Variants in CTNNA3 observed in about 807,000 individuals in gnomAD.
The protein encoded by CTNNA3 is catenin alpha 3.
In CTNNA3, 76 loss-of-function variants were observed where a neutral mutation model predicts 95.7. The observed-to-expected ratio is 0.79, with a 90% confidence interval of 0.66 to 0.96. The LOEUF (loss-of-function observed/expected upper bound fraction) is 0.96. CTNNA3 is among the 40% of genes least tolerant of loss of function. The pLI is 0.00. For missense variants in CTNNA3, 1,191 were observed against 1,089.8 expected (o/e 1.09, Z -1.31); for synonymous variants, 431 against 374.4 (o/e 1.15, Z -1.74).
intron 15 of CTNNA3, among the ~76,000 whole-genome samples, chr10:66,009,204 A>G (rs558097434): frequency 6.6e-6 from 1 of 152,262 alleles, no homozygotes; most frequent in South Asian, 2.1e-4. Context: ...TTATTTTGCA[A>G]TGTTGCTGAC....
intron 7 of CTNNA3, among the ~76,000 whole-genome samples, chr10:67,108,931 T>A (rs1257177485): frequency 6.6e-6 from 1 of 152,200 alleles, no homozygotes; most frequent in Admixed American, 6.5e-5. Context: ...ATTTAGCTAT[T>A]CCATGATAAA....
chr10:66,114,471 C>T (rs137918513), intron 13 of CTNNA3, among the ~76,000 whole-genome samples: 7 of 146,742 alleles, frequency 4.8e-5, no homozygotes, highest in Non-Finnish European at 1.0e-4. Context: ...TATATATGTG[C>T]GTATATGTAT....
intron 13 of CTNNA3, among the ~76,000 whole-genome samples, chr10:66,193,002 G>C (rs1310243115): frequency 6.6e-6 from 1 of 151,932 alleles, no homozygotes; most frequent in East Asian, 1.9e-4. Flanking sequence ...TAATAATTTT[G>C]GAAAATAGAG....
intron 9 of CTNNA3, among the ~76,000 whole-genome samples, chr10:66,705,756 T>G (rs1165866506): frequency 6.6e-6 from 1 of 152,076 alleles, no homozygotes; most frequent in Non-Finnish European, 1.5e-5. Flanking sequence ...TTGATCCTTT[T>G]AAGAATACTG....
At chr10:66,576,472 GC>G (rs1044171803) in intron 10 of CTNNA3, among the ~76,000 whole-genome samples, 2 of 151,604 alleles carry the variant, frequency 1.3e-5, no homozygotes, top group East Asian at 1.9e-4. Flanking sequence ...TCCAATCCAT[GC>G]CCCCCCACCA....
chr10:66,938,620 G>C (rs976975072), intron 7 of CTNNA3, among the ~76,000 whole-genome samples: 1 of 152,124 alleles, frequency 6.6e-6, no homozygotes, highest in Admixed American at 6.6e-5. Flanking sequence ...GATAATCCAC[G>C]TGTGAGTAGA....
chr10:66,170,174 T>C (rs1346428236), intron 13 of CTNNA3, among the ~76,000 whole-genome samples: 2 of 151,246 alleles, frequency 1.3e-5, no homozygotes, highest in Non-Finnish European at 2.9e-5. Context: ...AAGTCCTTGA[T>C]CCATCCTGAG....
intron 11 of CTNNA3, among the ~76,000 whole-genome samples, chr10:66,472,276 G>A (rs78030380): frequency 2.2e-4 from 34 of 151,760 alleles, no homozygotes; most frequent in Admixed American, 1.9e-3. Context: ...GAGCCATTTC[G>A]TCCAGGTTTG....
chr10:66,003,206 A>G (rs2078804221), intron 15 of CTNNA3, among the ~76,000 whole-genome samples: 1 of 152,220 alleles, frequency 6.6e-6, no homozygotes, highest in Non-Finnish European at 1.5e-5. Flanking sequence ...TTTCATATTC[A>G]ATGTTGCATT....
intron 1 of CTNNA3, among the ~76,000 whole-genome samples, chr10:67,682,423 T>C (rs1268931828): frequency 6.6e-6 from 1 of 151,888 alleles, no homozygotes; most frequent in African/African-American, 2.4e-5. Flanking sequence ...TACTTAGAAA[T>C]TGTTCAACTA....
chr10:66,628,888 G>T (rs545103746), intron 9 of CTNNA3, among the ~76,000 whole-genome samples: 3 of 151,950 alleles, frequency 2.0e-5, no homozygotes, highest in East Asian at 3.9e-4. Flanking sequence ...GTTAAGAGGG[G>T]GTCTACAGTA....
At position 66,157,483 on chromosome 10, in the gene CTNNA3, ATAGATATG is replaced by A. The variant is rs1554871839; in HGVS notation, c.1885-54242_1885-54235del. ...AGATAGATAGACAGATGATAGATAG[ATAGATATG>A]TAGATAGATAGATAGATAGATAGAT... On this transcript the variant is annotated intron_variant, in intron 13 of 17. Coordinates refer to ENST00000433211, the MANE Select transcript of CTNNA3 (RefSeq NM_013266.4). 3.8e-3 allele frequency among the ~76,000 whole-genome samples: 456 copies of A among 120,058 alleles called. 4 individuals carry two copies. Among genetic ancestry groups the A allele is most frequent in the African/African-American group, 0.014 (439 of 31,182 alleles). 78.8% of individuals were successfully genotyped at this position (120,058 alleles called of 152,430 possible).
At chr10:67,227,302 G>T (rs977567983) in intron 5 of CTNNA3, among the ~76,000 whole-genome samples, 1 of 151,976 alleles carries the variant, frequency 6.6e-6, no homozygotes, top group African/African-American at 2.4e-5. Context: ...TGTTGGTCAG[G>T]TTGGTCTTGA....
At chr10:66,175,509 T>G (rs1329079471) in intron 13 of CTNNA3, among the ~76,000 whole-genome samples, 1 of 152,146 alleles carries the variant, frequency 6.6e-6, no homozygotes, top group Non-Finnish European at 1.5e-5. Flanking sequence ...AACAGTGGTG[T>G]GGGTACCTCC....
At chr10:66,440,160 G>T (rs2093365448) in intron 11 of CTNNA3, among the ~76,000 whole-genome samples, 1 of 152,046 alleles carries the variant, frequency 6.6e-6, no homozygotes, top group Non-Finnish European at 1.5e-5. Flanking sequence ...CTCCACTTTA[G>T]ATATTTGAAG....
chr10:67,033,233 G>T (rs1223081469), intron 7 of CTNNA3, among the ~76,000 whole-genome samples: 1 of 152,076 alleles, frequency 6.6e-6, no homozygotes, highest in Admixed American at 6.5e-5. Context: ...TTTGTATAAG[G>T]CTTTCTCTCT....
At chr10:67,316,268 G>C (rs934853300) in intron 5 of CTNNA3, among the ~76,000 whole-genome samples, 2 of 152,122 alleles carry the variant, frequency 1.3e-5, no homozygotes, top group African/African-American at 2.4e-5. Context: ...GAAATGTCTG[G>C]AAAGATGTTC....
intron 15 of CTNNA3, among the ~76,000 whole-genome samples, chr10:66,006,009 C>CTTTTTTT (rs11415177): frequency 7.6e-4 from 88 of 115,978 alleles, no homozygotes; most frequent in African/African-American, 2.8e-3. Flanking sequence ...CAAGGAAAGC[C>CTTTTTTT]TTTTTTTTTT....
At chr10:66,646,478 G>A (rs1845711438) in intron 9 of CTNNA3, among the ~76,000 whole-genome samples, 1 of 152,034 alleles carries the variant, frequency 6.6e-6, no homozygotes, top group East Asian at 1.9e-4. Flanking sequence ...GAAGGGGTAG[G>A]GAGTAGAAGA....
Sources: allele counts gnomAD v4.1 joint callset (sites outside exome capture counted in the v4.1 genomes callset), GRCh38; gene constraint gnomAD v4.1.1; transcripts MANE v1.5; gene names NCBI Gene and HGNC (gene_info 2026-07-23, HGNC 2026-07-21).